NDST1: variants seen among roughly 807,000 people sequenced by gnomAD.
NDST1 encodes bifunctional heparan sulfate N-deacetylase/N-sulfotransferase 1.
A neutral mutation model predicts 92.8 loss-of-function variants in NDST1; 35 were observed. The ratio of observed to expected loss-of-function variants is 0.38; its 90% CI spans 0.29 to 0.50. NDST1 has a LOEUF of 0.50. Among genes scored for constraint, NDST1 ranks in the 20% least tolerant of loss-of-function variants. The probability of loss-of-function intolerance (pLI) is 0.94; values close to 1 mark genes in which losing one functional copy is unlikely to be tolerated. For missense variants in NDST1, 822 were observed against 1,182.7 expected, an observed-to-expected ratio of 0.69 and a Z score of 4.47; for synonymous variants, 493 against 500.3, an observed-to-expected ratio of 0.99 and a Z score of 0.19.
intron 1 of NDST1, among the ~76,000 whole-genome samples, chr5:150,516,184 A>G (rs77322432): frequency 6.6e-6 from 1 of 152,104 alleles, no homozygotes; most frequent in Non-Finnish European, 1.5e-5. Flanking sequence ...CCTCTGTGTA[A>G]TAAGTGTGTG....
chr5:150,527,367 A>G (rs1754520996), intron 2 of NDST1, among the ~76,000 whole-genome samples: 1 of 152,186 alleles, frequency 6.6e-6, no homozygotes, highest in South Asian at 2.1e-4. Context: ...TCCTGGAGTT[A>G]CTTTCTGTTC....
intron 8 of NDST1, among the ~76,000 whole-genome samples, chr5:150,540,518 G>A (rs1755198560): frequency 6.6e-6 from 1 of 152,076 alleles, no homozygotes; most frequent in African/African-American, 2.4e-5. Flanking sequence ...AAAAAACAGT[G>A]TTAAAAAAAC....
At chr5:150,547,233 G>A (rs1044232696) in intron 11 of NDST1, among the ~76,000 whole-genome samples, 3 of 152,238 alleles carry the variant, frequency 2.0e-5, no homozygotes, top group Non-Finnish European at 2.9e-5. Context: ...AGAGGGGTAA[G>A]GGATAGAAGG....
chr5:150,526,350 T>C (rs1033812302), intron 2 of NDST1, among the ~76,000 whole-genome samples: 12 of 152,220 alleles, frequency 7.9e-5, no homozygotes, highest in South Asian at 2.1e-4. Flanking sequence ...AGGGGCCATG[T>C]CTTTGTTTTT....
intron 1 of NDST1, among the ~76,000 whole-genome samples, chr5:150,510,472 G>T (rs1753674197): frequency 6.6e-6 from 1 of 152,228 alleles, no homozygotes; most frequent in Non-Finnish European, 1.5e-5. Context: ...TGACAGCCTT[G>T]GTGTGCGTGA....
chr5:150,532,486 A>G (rs748058402), intron 3 of NDST1, among the ~76,000 whole-genome samples: 3 of 152,020 alleles, frequency 2.0e-5, no homozygotes, highest in Non-Finnish European at 2.9e-5. Context: ...GAGGGAGCCC[A>G]TTATGTGGTT....
In NDST1 at chr5:150,551,749, A is replaced by G; in HGVS notation, c.2427-4A>G. On this transcript the variant is annotated splice_region_variant and splice_polypyrimidine_tract_variant and intron_variant, in intron 13 of 14. Transcript: ENST00000261797. ...CCCATCCAAAGACTTTCCCACCTCC[A>G]CAGGTTTGATCCAAAGAAAGGATTT... 1 of 1,612,452 alleles carries G rather than the reference A, an allele frequency of 6.2e-7. No individual in the cohort carries two copies. Among genetic ancestry groups the G allele is most frequent in the Non-Finnish European group, 8.5e-7 (1 of 1,178,794 alleles).
upstream of NDST1, among the ~76,000 whole-genome samples, chr5:150,505,367 T>C (rs1178196895): frequency 1.3e-5 from 2 of 152,142 alleles, no homozygotes; most frequent in Non-Finnish European, 2.9e-5. Flanking sequence ...GGTTTTCTGT[T>C]ATCTGTGGCT....
At chr5:150,513,066 C>T (rs1365924457) in intron 1 of NDST1, among the ~76,000 whole-genome samples, 1 of 147,352 alleles carries the variant, frequency 6.8e-6, no homozygotes, top group East Asian at 2.1e-4. Flanking sequence ...CATGGTGGCA[C>T]ACACCTGTGG....
chr5:150,519,549 A>C (rs993213052), intron 1 of NDST1, among the ~76,000 whole-genome samples: 12 of 152,180 alleles, frequency 7.9e-5, no homozygotes, highest in African/African-American at 2.9e-4. Flanking sequence ...CTCTACTGGC[A>C]TGGTGGCTCA....
At chr5:150,535,906 C>T (rs1415702482) in intron 6 of NDST1, 21 bp downstream of exon 6, 1 of 1,609,974 alleles carries the variant, frequency 6.2e-7, no homozygotes, top group Non-Finnish European at 8.5e-7. Flanking sequence ...CCCTGGAAGC[C>T]CAGGAGGTGG....
Position 150,521,114 on chromosome 5 carries a change from C to G in NDST1, c.-141C>G. Reference sequence around the variant, plus strand: ...GACTGGGGGCCCAGATCCTCCACTCCCAGTGCCCCACAAGGGCGTCGCTTC... The same window carrying G: ...GACTGGGGGCCCAGATCCTCCACTCGCAGTGCCCCACAAGGGCGTCGCTTC... On this transcript the variant is annotated 5_prime_UTR_variant, in exon 2 of 15. Transcript: ENST00000261797. This position sits in a 1 kb window ranked among gnomAD's most constrained non-coding sequence, Gnocchi z 5.9. 1.4e-6 allele frequency: 1 copy of G among 735,226 alleles called. No individual in the cohort carries two copies. Among genetic ancestry groups the G allele is most frequent in the Non-Finnish European group, 2.2e-6 (1 of 456,446 alleles). The allele number at this position is 735,226 out of a possible 1,614,324, so 45.5% of individuals were successfully genotyped here.
chr5:150,545,537 T>A, intron 11 of NDST1, 51 bp downstream of exon 11: 1 of 1,600,002 alleles, frequency 6.2e-7, no homozygotes, highest in Non-Finnish European at 8.6e-7. Context: ...GGGCTCCGTC[T>A]GACACTCAGT....
At position 150,556,174 on chromosome 5, in the gene NDST1, A is replaced by C. The variant is rs1484354456; in HGVS notation, c.*2842A>C. On this transcript the variant is annotated 3_prime_UTR_variant, in exon 15 of 15. Transcript: ENST00000261797. ...CAAAAAAAGGAGAGAGAAATAACTG[A>C]AATTGTTCAGGTGGCTCCATCGTCT... 6.6e-6 allele frequency: 1 copy of C among 152,176 alleles called. No homozygotes were observed. The highest frequency in any genetic ancestry group is 6.5e-5 in the Admixed American group (1 of 15,282). 9.4% of individuals were successfully genotyped at this position (152,176 alleles called of 1,614,324 possible).
At position 150,502,085 on chromosome 5, in the gene NDST1, G is replaced by A. The variant is rs114530251; in HGVS notation, c.-388+3846G>A. Among the ~76,000 whole-genome samples the A allele has an allele frequency of 2.8e-3, 434 of 152,318 alleles. 5 individuals carry two copies. Among genetic ancestry groups the A allele is most frequent in the African/African-American group, 0.01 (424 of 41,568 alleles). On this transcript the variant is annotated intron_variant, in intron 1 of 1. Coordinates refer to the NDST1 transcript ENST00000518299. ...GACAGGTAGGGCCTCTTGGCCATGG[G>A]GAGGACTTTGTTGTTTGAGTCTGAG...
At chr5:150,539,156 T>G in intron 6 of NDST1, 72 bp from the exon 7 acceptor site, 2 of 1,297,152 alleles carry the variant, frequency 1.5e-6, no homozygotes, top group Non-Finnish European at 2.2e-6. Flanking sequence ...GCCTTCTTCC[T>G]CTGAGGAAGA....
intron 11 of NDST1, 143 bp downstream of exon 11, chr5:150,545,629 C>A: frequency 9.5e-7 from 1 of 1,053,810 alleles, no homozygotes; most frequent in Non-Finnish European, 1.4e-6. Flanking sequence ...GTGGTGATGG[C>A]TGAGAATAGA....
At chr5:150,512,063 T>C (rs1014770232) in intron 1 of NDST1, among the ~76,000 whole-genome samples, 1 of 152,070 alleles carries the variant, frequency 6.6e-6, no homozygotes, top group Non-Finnish European at 1.5e-5. Context: ...CAGCCACTGC[T>C]ACGCCCTCCC....
chr5:150,516,492 G>T (rs1753973305), intron 1 of NDST1, among the ~76,000 whole-genome samples: 2 of 152,162 alleles, frequency 1.3e-5, no homozygotes, highest in Admixed American at 6.6e-5. Context: ...GGAAACTGAG[G>T]CACTGAGAAG....
Sources: allele counts gnomAD v4.1 joint callset (sites outside exome capture counted in the v4.1 genomes callset), GRCh38; gene constraint gnomAD v4.1.1; non-coding constraint Gnocchi (gnomAD v3.1); transcripts MANE v1.5; gene names NCBI Gene and HGNC (gene_info 2026-07-23, HGNC 2026-07-21).